Variants in GALNT18 observed in about 807,000 individuals in gnomAD.
The protein encoded by GALNT18 is polypeptide N-acetylgalactosaminyltransferase 18.
Under a neutral mutation model 69.5 loss-of-function variants are expected in GALNT18, and 44 were observed. That is an observed-to-expected ratio of 0.63 (90% CI 0.50 to 0.81). The LOEUF (loss-of-function observed/expected upper bound fraction) is 0.81. Ranked by LOEUF, GALNT18 falls within the 40% of genes least tolerant of loss-of-function variation. The pLI, the probability that GALNT18 is intolerant of heterozygous loss-of-function variation, is 0.00. For synonymous variants in GALNT18, 364 were observed against 318.2 expected, an observed-to-expected ratio of 1.14 and a Z score of -1.53; for missense variants, 715 against 810.0, an observed-to-expected ratio of 0.88 and a Z score of 1.42.
At chr11:11,325,118 G>A (rs999282706) in intron 9 of GALNT18, among the ~76,000 whole-genome samples, 10 of 152,208 alleles carry the variant, frequency 6.6e-5, no homozygotes, top group Non-Finnish European at 1.5e-4. Flanking sequence ...GTGCCCATCA[G>A]CCAACGAGTG....
rs1343398049 is a variant in GALNT18 at position 11,590,102 on chromosome 11, T to C, written c.235+31257A>G. 2.0e-5 allele frequency among the ~76,000 whole-genome samples: 3 copies of C among 152,250 alleles called. No individual in the cohort carries two copies. The highest frequency in any genetic ancestry group is 6.5e-5 in the Admixed American group (1 of 15,286). On this transcript the variant is annotated intron_variant, in intron 1 of 10. Transcript: ENST00000227756. This position sits in a 1 kb window ranked among gnomAD's most constrained non-coding sequence, Gnocchi z 4.4. ...AGCATGGTCATGTGGCAGACACTGC[T>C]GTGTGTTCACTAAAACCACCTTCCT...
chr11:11,364,324 A>C (rs1461707223), intron 6 of GALNT18, among the ~76,000 whole-genome samples: 2 of 152,372 alleles, frequency 1.3e-5, no homozygotes, highest in Middle Eastern at 3.4e-3. Flanking sequence ...AAATGGGAAC[A>C]CAAGTAGACA....
intron 1 of GALNT18, among the ~76,000 whole-genome samples, chr11:11,490,203 TCTCTCTCTCTC>T (rs1856732541): frequency 6.0e-5 from 1 of 16,608 alleles, no homozygotes; most frequent in Non-Finnish European, 1.2e-4. Flanking sequence ...TCACTCATTC[TCTCTCTCTCTC>T]TCTCTCTCTC....
rs2133911460 is a variant in GALNT18, at chr11:11,582,693, C to T, written c.235+38666G>A. ...GGCTAAAAGCCTTTGTGATGTTGCT[C>T]CAGCATAACCCAGTGGAAACTAACC... On this transcript the variant is annotated intron_variant, in intron 1 of 10. Transcript: ENST00000227756. The surrounding 1 kb of genome is among the most constrained non-coding windows in gnomAD (Gnocchi z 5.0). Among the ~76,000 whole-genome samples, 1 of 152,332 alleles carries T rather than the reference C, an allele frequency of 6.6e-6. No homozygotes were observed. Among genetic ancestry groups the T allele is most frequent in the East Asian group, 1.9e-4 (1 of 5,186 alleles).
rs1012816388 is a variant in GALNT18, at chr11:11,347,657, G to C, written c.1093-6653C>G. On this transcript the variant is annotated intron_variant, in intron 6 of 10. Transcript: ENST00000227756. The surrounding 1 kb of genome is among the most constrained non-coding windows in gnomAD (Gnocchi z 4.0). ...TTGCTCTTGGCAAACTGTTCCCACT[G>C]TTCTCTTAGCCCAGAAAGCCTCCTT... Among the ~76,000 whole-genome samples, 3 of 152,142 alleles carry C rather than the reference G, an allele frequency of 2.0e-5. No individual in the cohort carries two copies. The highest frequency in any genetic ancestry group is 7.2e-5 in the African/African-American group (3 of 41,432).
chr11:11,612,899 T>G (rs1188075638), intron 1 of GALNT18, among the ~76,000 whole-genome samples: 1 of 152,214 alleles, frequency 6.6e-6, no homozygotes, highest in Non-Finnish European at 1.5e-5. Flanking sequence ...TAAAGGATGG[T>G]GGCAATGGAA....
In GALNT18 at chr11:11,543,628, C is replaced by T. The variant is rs1590086172; in HGVS notation, c.235+77731G>A. On this transcript the variant is annotated intron_variant, in intron 1 of 10. Transcript: ENST00000227756. The surrounding 1 kb of genome is among the most constrained non-coding windows in gnomAD (Gnocchi z 5.1). ...GCAGAAAGGGCCTGGCTTCAGTGCCCAGCACATCAGAGCCTCTGTTCCTCC... is the reference window on the plus strand; with the variant it reads ...GCAGAAAGGGCCTGGCTTCAGTGCCTAGCACATCAGAGCCTCTGTTCCTCC... Among the ~76,000 whole-genome samples the T allele has an allele frequency of 6.6e-6, 1 of 152,196 alleles. No individual in the cohort carries two copies. Among genetic ancestry groups the T allele is most frequent in the South Asian group, 2.1e-4 (1 of 4,832 alleles).
chr11:11,279,898 A>G (rs1266432463), intron 10 of GALNT18, among the ~76,000 whole-genome samples: 3 of 151,774 alleles, frequency 2.0e-5, no homozygotes, highest in Non-Finnish European at 4.4e-5. Flanking sequence ...ATGTTCTTCA[A>G]TTGAAAAATT....
chr11:11,367,689 T>C (rs897904570), intron 6 of GALNT18, among the ~76,000 whole-genome samples: 1 of 152,232 alleles, frequency 6.6e-6, no homozygotes, highest in Non-Finnish European at 1.5e-5. Context: ...AAGATTCATA[T>C]TAAAGAAGTG....
chr11:11,594,818 T>TAC (rs1278507210), intron 1 of GALNT18, among the ~76,000 whole-genome samples: 3 of 22,542 alleles, frequency 1.3e-4, no homozygotes, highest in East Asian at 0.019. Flanking sequence ...ATCTTGGGCA[T>TAC]ATATATATAT....
chr11:11,512,121 T>C (rs1226005311), intron 1 of GALNT18, among the ~76,000 whole-genome samples: 1 of 152,212 alleles, frequency 6.6e-6, no homozygotes, highest in Non-Finnish European at 1.5e-5. Context: ...AGTTAAGAAT[T>C]CTTTATTAAA....
At chr11:11,577,176 A>T (rs1229337596) in intron 1 of GALNT18, among the ~76,000 whole-genome samples, 1 of 152,238 alleles carries the variant, frequency 6.6e-6, no homozygotes, top group African/African-American at 2.4e-5. Flanking sequence ...TGCTGCATTC[A>T]GCAAGTACCT....
At chr11:11,374,465 CT>C (rs1211173572) in intron 5 of GALNT18, among the ~76,000 whole-genome samples, 1 of 152,212 alleles carries the variant, frequency 6.6e-6, no homozygotes, top group Non-Finnish European at 1.5e-5. Context: ...AAACATCAGG[CT>C]GGCAGAGTGG....
At chr11:11,490,272 C>CACACACACA (rs1856740931) in intron 1 of GALNT18, among the ~76,000 whole-genome samples, 2 of 150,248 alleles carry the variant, frequency 1.3e-5, no homozygotes, top group African/African-American at 2.5e-5. Context: ...CACACACACT[C>CACACACACA]CTTCCACCAT....
intron 1 of GALNT18, among the ~76,000 whole-genome samples, chr11:11,502,193 T>C (rs975549087): frequency 2.0e-5 from 3 of 152,116 alleles, no homozygotes; most frequent in African/African-American, 7.2e-5. Flanking sequence ...ATAAGATGTA[T>C]CTCTAAGGCG....
At chr11:11,274,665 A>C (rs1441208701) in intron 10 of GALNT18, among the ~76,000 whole-genome samples, 1 of 152,208 alleles carries the variant, frequency 6.6e-6, no homozygotes, top group East Asian at 1.9e-4. Flanking sequence ...CCTGTCACCT[A>C]CATTAGGTAT....
intron 1 of GALNT18, among the ~76,000 whole-genome samples, chr11:11,521,832 C>T (rs1420449266): frequency 6.6e-6 from 1 of 152,172 alleles, no homozygotes; most frequent in Non-Finnish European, 1.5e-5. Flanking sequence ...CGCACTTCAC[C>T]ATAGAGTCCC....
intron 1 of GALNT18, among the ~76,000 whole-genome samples, chr11:11,514,444 C>T (rs774296613): frequency 2.0e-5 from 3 of 152,172 alleles, no homozygotes; most frequent in Admixed American, 6.5e-5. Flanking sequence ...GCAGGCCTCC[C>T]TTGTGGCCAA....
Position 11,332,183 on chromosome 11 carries a change from A to G in GALNT18, c.1416+511T>C, listed in dbSNP as rs989370526. On this transcript the variant is annotated intron_variant, in intron 8 of 10. Coordinates refer to ENST00000227756, the MANE Select transcript of GALNT18 (RefSeq NM_198516.3). This position sits in a 1 kb window ranked among gnomAD's most constrained non-coding sequence, Gnocchi z 4.3. ...CCCCTCCATCTTTCTCCCTCCCATC[A>G]GGGAGAACTTCTCTGTGCCCATCAA... 6.6e-6 allele frequency among the ~76,000 whole-genome samples: 1 copy of G among 152,060 alleles called. No individual in the cohort carries two copies. The highest frequency in any genetic ancestry group is 1.5e-5 in the Non-Finnish European group (1 of 67,998).
Sources: allele counts gnomAD v4.1 joint callset (sites outside exome capture counted in the v4.1 genomes callset), GRCh38; gene constraint gnomAD v4.1.1; non-coding constraint Gnocchi (gnomAD v3.1); transcripts MANE v1.5; gene names NCBI Gene and HGNC (gene_info 2026-07-23, HGNC 2026-07-21).